Variants in RNGTT observed in about 807,000 individuals in gnomAD.
RNGTT encodes mRNA-capping enzyme.
In RNGTT, 33 loss-of-function variants were observed where a neutral mutation model predicts 79.3. That is an observed-to-expected ratio of 0.42 (90% CI 0.32 to 0.56). RNGTT has a LOEUF of 0.56. Ranked by LOEUF, RNGTT falls within the 20% of genes least tolerant of loss-of-function variation. RNGTT has a pLI of 0.17. For missense variants in RNGTT, 497 were observed against 739.1 expected (o/e 0.67, Z 3.80); for synonymous variants, 222 against 235.9 (o/e 0.94, Z 0.54).
intron 13 of RNGTT, among the ~76,000 whole-genome samples, chr6:88,731,506 GGATA>G (rs969571131): frequency 3.3e-5 from 5 of 152,108 alleles, no homozygotes; most frequent in African/African-American, 9.7e-5. Flanking sequence ...GAACTCTAAT[GGATA>G]GATAGTATGC....
At chr6:88,807,906 C>T (rs993769274) in intron 11 of RNGTT, among the ~76,000 whole-genome samples, 5 of 152,144 alleles carry the variant, frequency 3.3e-5, no homozygotes, top group Non-Finnish European at 5.9e-5. Flanking sequence ...TCACCTTTAA[C>T]ATACTAATAT....
At chr6:88,716,550 A>G (rs1423476700) in intron 13 of RNGTT, among the ~76,000 whole-genome samples, 1 of 152,228 alleles carries the variant, frequency 6.6e-6, no homozygotes, top group Non-Finnish European at 1.5e-5. Flanking sequence ...TACAATAGCA[A>G]AGACTTGGAA....
Position 88,678,357 on chromosome 6 carries a change from A to C in RNGTT, c.1502T>G (p.Ile501Ser), listed in dbSNP as rs1774961236. The change falls in exon 14 of 16, where the codon ATC becomes AGC. Residue 501 changes from isoleucine (I) to serine (S), a missense_variant. By Grantham distance (142) the Ile-to-Ser change is moderately radical (BLOSUM62 -2). This residue lies in a region of RNGTT where 440 missense variants were observed against 671.5 expected (regional missense o/e 0.66). Transcript: ENST00000369485. Reference protein sequence around the residue: ...VGGYERPFAQIKVTKELKQYD... With the variant: ...VGGYERPFAQSKVTKELKQYD... ...ACTGAAAATGAACAAACATACCTTG[A>C]TTTGTGCAAAGGGTCTTTCATAACC... 1 of 1,579,568 alleles carries C rather than the reference A, an allele frequency of 6.3e-7. No individual in the cohort carries two copies. The highest frequency in any genetic ancestry group is 1.3e-5 in the African/African-American group (1 of 74,208).
intron 1 of RNGTT, among the ~76,000 whole-genome samples, chr6:88,943,319 C>T (rs1784908438): frequency 1.3e-5 from 2 of 152,144 alleles, no homozygotes; most frequent in African/African-American, 2.4e-5. Context: ...ATTCTTTTAG[C>T]AGCTCAAGAC....
intron 1 of RNGTT, among the ~76,000 whole-genome samples, chr6:88,946,923 G>A (rs1785035865): frequency 8.1e-6 from 1 of 123,140 alleles, no homozygotes; most frequent in East Asian, 2.3e-4. Context: ...CGGGATTGCA[G>A]ACGGAGTCTC....
At chr6:88,620,408 G>A (rs1305735003) in intron 14 of RNGTT, among the ~76,000 whole-genome samples, 1 of 151,484 alleles carries the variant, frequency 6.6e-6, no homozygotes, top group Non-Finnish European at 1.5e-5. Context: ...GAAAATAACT[G>A]GACAGATATA....
At chr6:88,811,051 G>C (rs544161779) in intron 11 of RNGTT, among the ~76,000 whole-genome samples, 1 of 152,122 alleles carries the variant, frequency 6.6e-6, no homozygotes, top group Non-Finnish European at 1.5e-5. Flanking sequence ...CTTCAGAAAC[G>C]TGGTTCTACT....
At chr6:88,848,801 G>T (rs889929624) in intron 10 of RNGTT, among the ~76,000 whole-genome samples, 1 of 151,918 alleles carries the variant, frequency 6.6e-6, no homozygotes, top group Non-Finnish European at 1.5e-5. Context: ...ACTTCTATTG[G>T]ATTCGTAATG....
chr6:88,681,446 T>C (rs55681424), intron 13 of RNGTT, among the ~76,000 whole-genome samples: 2,054 of 152,284 alleles, frequency 0.013, 42 homozygotes, highest in African/African-American at 0.046. Flanking sequence ...CCATATATTA[T>C]ATTACCACCT....
At chr6:88,627,869 G>A (rs1319622224) in intron 14 of RNGTT, among the ~76,000 whole-genome samples, 1 of 152,124 alleles carries the variant, frequency 6.6e-6, no homozygotes, top group Non-Finnish European at 1.5e-5. Flanking sequence ...TTACAAGTCT[G>A]TACCTCAAGT....
Position 88,925,957 on chromosome 6 carries a change from C to T in RNGTT, c.367+3028G>A, listed in dbSNP as rs1582138008. 4.6e-5 allele frequency among the ~76,000 whole-genome samples: 7 copies of T among 152,268 alleles called. No homozygotes were observed. In the South Asian group the frequency reaches 1.2e-3, roughly 27 times the overall value. ...CGTAGGTCCAGGATAGGCCCTAAAACATACATTTCTAACAAGTATCTTCAA... is the reference window on the plus strand; with the variant it reads ...CGTAGGTCCAGGATAGGCCCTAAAATATACATTTCTAACAAGTATCTTCAA... On this transcript the variant is annotated intron_variant, in intron 4 of 15. Coordinates refer to ENST00000369485, the MANE Select transcript of RNGTT (RefSeq NM_003800.5).
chr6:88,877,560 C>A (rs1487556412), intron 8 of RNGTT, among the ~76,000 whole-genome samples: 1 of 152,110 alleles, frequency 6.6e-6, no homozygotes, highest in African/African-American at 2.4e-5. Flanking sequence ...CTAAAAAGTT[C>A]CATGGTAACC....
At chr6:88,898,008 A>C (rs541720808) in intron 6 of RNGTT, among the ~76,000 whole-genome samples, 2 of 151,888 alleles carry the variant, frequency 1.3e-5, no homozygotes, top group African/African-American at 4.8e-5. Context: ...CTCCCCCCAG[A>C]CTCTACTTGT....
intron 11 of RNGTT, among the ~76,000 whole-genome samples, chr6:88,806,505 G>A (rs1476350242): frequency 6.6e-6 from 1 of 151,430 alleles, no homozygotes; most frequent in Non-Finnish European, 1.5e-5. Context: ...TTAGTAGAGA[G>A]GGGGTTTCAC....
chr6:88,942,988 G>A (rs1326147506), intron 1 of RNGTT, among the ~76,000 whole-genome samples: 1 of 152,030 alleles, frequency 6.6e-6, no homozygotes, highest in Non-Finnish European at 1.5e-5. Flanking sequence ...GTCTACTTTA[G>A]TGGCTCCCCC....
Position 88,949,159 on chromosome 6 carries a change from G to GAAAAAAAA in RNGTT, c.65-7987_65-7980dup. 3.5e-3 allele frequency among the ~76,000 whole-genome samples: 178 copies of GAAAAAAAA among 50,522 alleles called. 1 individual carries two copies. The highest frequency in any genetic ancestry group is 5.6e-3 in the African/African-American group (71 of 12,618). 33.1% of individuals were successfully genotyped at this position (50,522 alleles called of 152,430 possible). A position where few individuals can be genotyped will look rare whatever the true frequency, so the allele number is the denominator to read the frequency against. On this transcript the variant is annotated intron_variant, in intron 1 of 15. Coordinates refer to ENST00000369485, the MANE Select transcript of RNGTT (RefSeq NM_003800.5). ...AATAAAAAATAAAATAAAATAAAAT[G>GAAAAAAAA]AAAAAAAAAAAAAAAAAAAGAAAAT...
chr6:88,626,283 T>A (rs1772630451), intron 14 of RNGTT, among the ~76,000 whole-genome samples: 1 of 152,006 alleles, frequency 6.6e-6, no homozygotes, highest in Non-Finnish European at 1.5e-5. Flanking sequence ...TTTGTTTTAT[T>A]AACAAAATTT....
chr6:88,830,985 T>C (rs1273318594), intron 11 of RNGTT, among the ~76,000 whole-genome samples: 1 of 152,190 alleles, frequency 6.6e-6, no homozygotes, highest in East Asian at 1.9e-4. Context: ...CCGGACAGAT[T>C]CACAGCTGAA....
At chr6:88,688,932 TTTTCTTTTCTCTAGC>T (rs958823533) in intron 13 of RNGTT, among the ~76,000 whole-genome samples, 3 of 152,226 alleles carry the variant, frequency 2.0e-5, no homozygotes, top group African/African-American at 4.8e-5. Context: ...TTTCTTAATA[TTTTCTTTTCTCTAGC>T]TTTATTATAA....
Sources: gnomAD v4.1 joint callset for allele counts (sites outside exome capture counted in the v4.1 genomes callset) on GRCh38, gnomAD v4.1.1 for gene constraint, gnomAD v4.1.1 regional missense constraint, MANE v1.5 for transcripts, NCBI Gene and HGNC (gene_info 2026-07-23, HGNC 2026-07-21) for gene names.